CD8B2: variants seen among roughly 807,000 people sequenced by gnomAD.
CD8B2 encodes T-cell surface glycoprotein CD8 beta-2 chain.
CD8B2 carries 11 observed loss-of-function variants against 23.7 expected under a neutral mutation model. That is an observed-to-expected ratio of 0.46 (90% confidence interval 0.29 to 0.77). The LOEUF (loss-of-function observed/expected upper bound fraction) is 0.77. Among genes scored for constraint, CD8B2 ranks in the 30% least tolerant of loss-of-function variants. CD8B2 has a pLI of 0.09. For synonymous variants in CD8B2, 90 were observed against 109.3 expected (o/e 0.82, Z 1.10); for missense variants, 197 against 270.5 (o/e 0.73, Z 1.91).
chr2:106,521,220 C>T (rs1427768468), intron 5 of CD8B2, among the ~76,000 whole-genome samples: 5 of 152,132 alleles, frequency 3.3e-5, no homozygotes, highest in African/African-American at 1.2e-4. Flanking sequence ...CTGGCCACCA[C>T]ACTCTAATCG....
At chr2:106,503,570 AT>A (rs1679453816) in intron 4 of CD8B2, among the ~76,000 whole-genome samples, 1 of 152,256 alleles carries the variant, frequency 6.6e-6, no homozygotes, top group Non-Finnish European at 1.5e-5. Flanking sequence ...AATACAGCTA[AT>A]TGAATATTAT....
At chr2:106,529,603 C>G (rs542837888) in intron 5 of CD8B2, among the ~76,000 whole-genome samples, 1 of 152,312 alleles carries the variant, frequency 6.6e-6, no homozygotes, top group African/African-American at 2.4e-5. Flanking sequence ...TTTCCTTTAT[C>G]TCCATTACAA....
At chr2:106,532,560 C>G (rs1558886660) in intron 5 of CD8B2, among the ~76,000 whole-genome samples, 1 of 152,184 alleles carries the variant, frequency 6.6e-6, no homozygotes, top group Non-Finnish European at 1.5e-5. Flanking sequence ...GCCAGTTGCC[C>G]ATTTTTATGG....
intron 5 of CD8B2, among the ~76,000 whole-genome samples, chr2:106,527,014 T>TA (rs2104571392): frequency 6.6e-6 from 1 of 152,368 alleles, no homozygotes; most frequent in South Asian, 2.1e-4. Context: ...TGAGGTATTA[T>TA]AAATAATGCT....
chr2:106,505,755 C>T (rs1398213931), intron 5 of CD8B2, among the ~76,000 whole-genome samples: 1 of 152,088 alleles, frequency 6.6e-6, no homozygotes, highest in South Asian at 2.1e-4. Context: ...ACAATTTTCA[C>T]CTTGTGTGTT....
At chr2:106,494,610 C>T (rs549610204) in intron 2 of CD8B2, among the ~76,000 whole-genome samples, 13 of 152,194 alleles carry the variant, frequency 8.5e-5, no homozygotes, top group South Asian at 6.2e-4. Context: ...GACTCTGTGG[C>T]CAGCAGTGCC....
intron 5 of CD8B2, among the ~76,000 whole-genome samples, chr2:106,536,579 TTGC>T (rs1680094149): frequency 6.6e-6 from 1 of 152,192 alleles, no homozygotes; most frequent in African/African-American, 2.4e-5. Context: ...TGACATGACT[TTGC>T]TGTATCAAGT....
rs1406214098 is a variant in CD8B2 at position 106,510,644 on chromosome 2, A to G, written c.*3704A>G. 6.6e-6 allele frequency: 1 copy of G among 152,078 alleles called. No individual in the cohort carries two copies. Among genetic ancestry groups the G allele is most frequent in the Non-Finnish European group, 1.5e-5 (1 of 68,030 alleles). 9.4% of individuals were successfully genotyped at this position (152,078 alleles called of 1,614,324 possible). ...CTATTAGGGAGGATGAGGTGGGAGG[A>G]TCTCCTGAGCCCAGGAGTTTGAGAC... On this transcript the variant is annotated 3_prime_UTR_variant, in exon 6 of 6. Coordinates refer to ENST00000643224, the MANE Select transcript of CD8B2 (RefSeq NM_001349727.2).
At chr2:106,521,047 A>AGG (rs1211303539) in intron 5 of CD8B2, among the ~76,000 whole-genome samples, 2 of 150,550 alleles carry the variant, frequency 1.3e-5, no homozygotes, top group Admixed American at 6.6e-5. Context: ...AGAGAGAGAG[A>AGG]GAAAGAGAGA....
At chr2:106,517,865 A>G (rs1679755289) in intron 5 of CD8B2, among the ~76,000 whole-genome samples, 1 of 152,098 alleles carries the variant, frequency 6.6e-6, no homozygotes, top group South Asian at 2.1e-4. Flanking sequence ...GGCGCCCGCC[A>G]CAACGCCCGG....
chr2:106,541,102 C>T (rs972085845), intron 5 of CD8B2, among the ~76,000 whole-genome samples: 2 of 152,036 alleles, frequency 1.3e-5, no homozygotes, highest in East Asian at 1.9e-4. Context: ...TGGGCTGGGG[C>T]AGAGGAAGGC....
chr2:106,506,171 C>T (rs986793662), intron 5 of CD8B2, among the ~76,000 whole-genome samples: 6 of 152,116 alleles, frequency 3.9e-5, no homozygotes, highest in African/African-American at 1.4e-4. Context: ...CAAAATCTCT[C>T]CCATGATGAC....
intron 5 of CD8B2, among the ~76,000 whole-genome samples, chr2:106,537,305 C>T (rs1347562131): frequency 6.6e-6 from 1 of 152,150 alleles, no homozygotes; most frequent in Non-Finnish European, 1.5e-5. Flanking sequence ...ACCCTGGAGA[C>T]AACTTTCATT....
intron 5 of CD8B2, among the ~76,000 whole-genome samples, chr2:106,529,696 A>G (rs1679966067): frequency 6.6e-6 from 1 of 152,214 alleles, no homozygotes; most frequent in Non-Finnish European, 1.5e-5. Context: ...GCTTGCCACA[A>G]GGGACATGTC....
intron 2 of CD8B2, among the ~76,000 whole-genome samples, chr2:106,492,362 T>C (rs1189747807): frequency 1.3e-5 from 2 of 152,198 alleles, no homozygotes; most frequent in Non-Finnish European, 2.9e-5. Flanking sequence ...TTAAATAATG[T>C]TATATTTAAC....
At chr2:106,495,526 G>A (rs1220955291) in intron 2 of CD8B2, among the ~76,000 whole-genome samples, 3 of 152,044 alleles carry the variant, frequency 2.0e-5, no homozygotes, top group Admixed American at 6.5e-5. Flanking sequence ...GCTACAGAGC[G>A]AGACTTTGTC....
intron 5 of CD8B2, among the ~76,000 whole-genome samples, chr2:106,524,233 G>A (rs1050172979): frequency 6.6e-6 from 1 of 152,184 alleles, no homozygotes; most frequent in African/African-American, 2.4e-5. Context: ...TCCTGGGCAG[G>A]TTGTGGGTCA....
chr2:106,492,896 A>G (rs1302884495), intron 2 of CD8B2, among the ~76,000 whole-genome samples: 2 of 152,076 alleles, frequency 1.3e-5, no homozygotes, highest in Non-Finnish European at 2.9e-5. Flanking sequence ...GGACTTTGGG[A>G]GTTTGGGGTT....
Position 106,496,262 on chromosome 2 carries a change from G to A in CD8B2, c.493G>A (p.Gly165Ser). The A allele has an allele frequency of 6.5e-7, 1 of 1,530,304 alleles. No individual in the cohort carries two copies. The highest frequency in any genetic ancestry group is 8.8e-7 in the Non-Finnish European group (1 of 1,135,750). The allele number at this position is 1,530,304 out of a possible 1,614,324, so 94.8% of individuals were successfully genotyped here. A position where few individuals can be genotyped will look rare whatever the true frequency, so the allele number is the denominator to read the frequency against. ...GTTACCCAGGCCAGAGACCCAGAAG[G>A]GTGAGTTCCCTATCCCTCTGCACCC... is the stretch of plus-strand genomic sequence containing the variant. ...CRLPRPETQKGPLCSPVTLGL... is the reference protein window; with the variant it reads ...CRLPRPETQKSPLCSPVTLGL... Residue 165 changes from glycine to serine, a missense_variant and splice_region_variant, in exon 3 of 6, where the codon GGC (glycine) becomes AGC (serine). Around this residue, in one of 3 missense-constraint regions of CD8B2, gnomAD observed 35 missense variants for 82.9 expected, o/e 0.42. Transcript: ENST00000643224.
Sources: allele counts gnomAD v4.1 joint callset (sites outside exome capture counted in the v4.1 genomes callset), GRCh38; gene constraint gnomAD v4.1.1; regional missense constraint gnomAD v4.1.1; transcripts MANE v1.5; gene names NCBI Gene and HGNC (gene_info 2026-07-23, HGNC 2026-07-21).